The following CAPN7 variants were observed in gnomAD, a reference collection of about 807,000 sequenced individuals.
The protein encoded by CAPN7 is calpain 7.
CAPN7 carries 72 observed loss-of-function variants against 115.2 expected under a neutral mutation model. The observed-to-expected ratio is 0.63, with a 90% CI of 0.52 to 0.76. The LOEUF (loss-of-function observed/expected upper bound fraction) is 0.76, where lower values mean the gene tolerates loss of function less well. Among genes scored for constraint, CAPN7 ranks in the 30% least tolerant of loss-of-function variants. The pLI is 0.00. For missense variants in CAPN7, 905 were observed against 971.5 expected (o/e 0.93, Z 0.91); for synonymous variants, 344 against 322.3 (o/e 1.07, Z -0.72).
intron 19 of CAPN7, 87 bp downstream of exon 19, chr3:15,247,544 C>A: frequency 2.0e-6 from 2 of 984,082 alleles, no homozygotes; most frequent in Non-Finnish European, 2.9e-6. Flanking sequence ...CAGACCTAAG[C>A]ATATATGGAC....
intron 12 of CAPN7, among the ~76,000 whole-genome samples, chr3:15,238,505 C>G (rs1695138226): frequency 1.3e-5 from 2 of 152,152 alleles, no homozygotes; most frequent in Admixed American, 1.3e-4. Flanking sequence ...ATCTTAGACT[C>G]TGACAGCTCT....
intron 10 of CAPN7, among the ~76,000 whole-genome samples, chr3:15,233,071 G>A (rs539436882): frequency 2.6e-4 from 40 of 152,284 alleles, no homozygotes; most frequent in African/African-American, 9.6e-4. Flanking sequence ...AGGTAAACTA[G>A]ACTTGAGCCA....
At chr3:15,237,146 AT>A (rs572476764) in intron 12 of CAPN7, among the ~76,000 whole-genome samples, 2 of 152,142 alleles carry the variant, frequency 1.3e-5, no homozygotes, top group South Asian at 4.2e-4. Flanking sequence ...TAAACTTTAA[AT>A]TTTTTTTAAC....
At chr3:15,213,066 G>C (rs960163800) in intron 2 of CAPN7, among the ~76,000 whole-genome samples, 1 of 152,178 alleles carries the variant, frequency 6.6e-6, no homozygotes, top group Non-Finnish European at 1.5e-5. Context: ...GTATTGAAAA[G>C]TGTACTGCCT....
At chr3:15,234,099 T>C in intron 11 of CAPN7, 126 bp downstream of exon 11, 1 of 542,208 alleles carries the variant, frequency 1.8e-6, no homozygotes, top group Non-Finnish European at 3.2e-6. Flanking sequence ...GCAGATGACC[T>C]GAGTTTGGGA....
At chr3:15,214,358 A>G (rs531290729) in intron 2 of CAPN7, among the ~76,000 whole-genome samples, 1 of 152,348 alleles carries the variant, frequency 6.6e-6, no homozygotes, top group East Asian at 1.9e-4. Flanking sequence ...AAAACAAGAT[A>G]GTCTGCTGAC....
chr3:15,241,335 A>T (rs912425890), intron 14 of CAPN7, 118 bp from the exon 15 acceptor site: 21 of 989,550 alleles, frequency 2.1e-5, no homozygotes, highest in African/African-American at 6.5e-5. Flanking sequence ...AAAAAAATTT[A>T]AAAACAGTAA....
Position 15,247,461 on chromosome 3 carries a change from T to C in CAPN7, c.2204+4T>C, listed in dbSNP as rs190837478. ...TGATTGAGCTACGAGGACCAAGGTTTGTGATGAGTAACTTTCTTAAATTAA... is the reference window on the plus strand; with the variant it reads ...TGATTGAGCTACGAGGACCAAGGTTCGTGATGAGTAACTTTCTTAAATTAA... On this transcript the variant is annotated splice_donor_region_variant and intron_variant, in intron 19 of 20. Transcript: ENST00000253693. 6.3e-7 allele frequency: 1 copy of C among 1,581,636 alleles called. No homozygotes were observed. Among genetic ancestry groups the C allele is most frequent in the African/African-American group, 1.4e-5 (1 of 72,546 alleles).
chr3:15,243,488 G>C (rs1009869709), intron 16 of CAPN7, among the ~76,000 whole-genome samples: 1 of 152,176 alleles, frequency 6.6e-6, no homozygotes, highest in African/African-American at 2.4e-5. Context: ...CACCTGTGAA[G>C]AGAGTTGTGG....
chr3:15,208,757 A>G (rs2133288), intron 1 of CAPN7, among the ~76,000 whole-genome samples: 7,971 of 152,292 alleles, frequency 0.052, 727 homozygotes, highest in African/African-American at 0.18. Context: ...GACAGAATTG[A>G]TAAATCAAAG....
chr3:15,217,641 A>G (rs960137572), intron 3 of CAPN7, 59 bp downstream of exon 3: 3 of 1,407,828 alleles, frequency 2.1e-6, no homozygotes, highest in Non-Finnish European at 1.9e-6. Flanking sequence ...TTCTCTTGCT[A>G]GTGAATTTTA....
intron 1 of CAPN7, among the ~76,000 whole-genome samples, chr3:15,211,579 T>G (rs2044951161): frequency 6.8e-6 from 1 of 147,940 alleles, no homozygotes. Flanking sequence ...TGACTCTATC[T>G]TTGAAAAAGC....
intron 16 of CAPN7, among the ~76,000 whole-genome samples, chr3:15,242,591 A>G (rs1341630825): frequency 1.3e-5 from 2 of 152,200 alleles, no homozygotes; most frequent in Non-Finnish European, 2.9e-5. Flanking sequence ...AGCATGATAT[A>G]TAAGGCTTTT....
Position 15,241,536 on chromosome 3 carries a change from C to G in CAPN7, c.1736C>G (p.Pro579Arg). Residue 579 changes from proline to arginine, a missense_variant, in exon 15 of 21, where the codon CCA becomes CGA. Coordinates refer to ENST00000253693, the MANE Select transcript of CAPN7 (RefSeq NM_014296.3). ...NPQYKLEVQCPQGGAAVWVLL... is the reference protein window; with the variant it reads ...NPQYKLEVQCRQGGAAVWVLL... ...CAGTACAAACTGGAGGTGCAGTGTC[C>G]ACAGGGGGGTGCTGCAGTTTGGGTT... 1 of 1,614,050 alleles carries G rather than the reference C, an allele frequency of 6.2e-7. No individual in the cohort carries two copies. Among genetic ancestry groups the G allele is most frequent in the Non-Finnish European group, 8.5e-7 (1 of 1,179,992 alleles).
chr3:15,248,080 A>G lies in CAPN7; in HGVS notation c.2204+623A>G, dbSNP rs1271980055. Among the ~76,000 whole-genome samples the G allele has an allele frequency of 3.3e-5, 5 of 152,158 alleles. No homozygotes were observed. In the East Asian group the frequency reaches 9.6e-4, roughly 29 times the overall value. On this transcript the variant is annotated intron_variant, in intron 19 of 20. Transcript: ENST00000253693. ...TGGGAGATATACCTAATGCTAGATG[A>G]CGAGTTAGTGGGTGCAGCGCACCAG...
chr3:15,211,355 G>A (rs1259381703), intron 1 of CAPN7, among the ~76,000 whole-genome samples: 1 of 152,116 alleles, frequency 6.6e-6, no homozygotes, highest in Non-Finnish European at 1.5e-5. Flanking sequence ...ATTGCATAAG[G>A]AAAAAGGAAA....
chr3:15,241,139 A>G (rs575193318), intron 14 of CAPN7, among the ~76,000 whole-genome samples: 8 of 152,174 alleles, frequency 5.3e-5, no homozygotes, highest in Admixed American at 1.3e-4. Flanking sequence ...TGGGAGGTGG[A>G]GGTTGCAGTG....
intron 17 of CAPN7, 122 bp downstream of exon 17, chr3:15,245,793 T>G: frequency 1.4e-6 from 1 of 692,384 alleles, no homozygotes; most frequent in Non-Finnish European, 2.2e-6. Flanking sequence ...CTCTCTTTTT[T>G]TGTGCTTATC....
intron 2 of CAPN7, among the ~76,000 whole-genome samples, chr3:15,216,505 T>G (rs1243476743): frequency 1.3e-5 from 2 of 152,240 alleles, no homozygotes; most frequent in African/African-American, 4.8e-5. Flanking sequence ...TTAAGAGATC[T>G]TTATATATTC....
Sources: gnomAD v4.1 joint callset for allele counts (sites outside exome capture counted in the v4.1 genomes callset) on GRCh38, gnomAD v4.1.1 for gene constraint, MANE v1.5 for transcripts, NCBI Gene and HGNC (gene_info 2026-07-23, HGNC 2026-07-21) for gene names.